NLGN1: variants seen among roughly 807,000 people sequenced by gnomAD.
NLGN1 encodes the protein neuroligin-1.
NLGN1 carries 12 observed loss-of-function variants against 65.5 expected under a neutral mutation model. That is an observed-to-expected ratio of 0.18 (90% CI 0.12 to 0.30). NLGN1 has a LOEUF of 0.30. Ranked by LOEUF, NLGN1 falls within the 10% of genes least tolerant of loss-of-function variation. The pLI is 1.00. For synonymous variants in NLGN1, 350 were observed against 359.5 expected, an observed-to-expected ratio of 0.97 and a Z score of 0.30; for missense variants, 750 against 1,007.1, an observed-to-expected ratio of 0.74 and a Z score of 3.46.
At chr3:174,193,260 G>A (rs77173805) in intron 4 of NLGN1, among the ~76,000 whole-genome samples, 9 of 152,066 alleles carry the variant, frequency 5.9e-5, no homozygotes, top group African/African-American at 1.4e-4. Flanking sequence ...AATGCCTTGC[G>A]ACTGCTTCCA....
intron 3 of NLGN1, among the ~76,000 whole-genome samples, chr3:173,619,356 T>C (rs1031118855): frequency 3.3e-5 from 5 of 152,188 alleles, no homozygotes; most frequent in Admixed American, 6.5e-5. Context: ...CTGTTATTCT[T>C]GTTTTAACGC....
At chr3:174,186,045 A>T (rs968340216) in intron 4 of NLGN1, among the ~76,000 whole-genome samples, 5 of 152,048 alleles carry the variant, frequency 3.3e-5, no homozygotes, top group Non-Finnish European at 7.4e-5. Flanking sequence ...GAGTGAAATG[A>T]GTGATAAGAC....
At chr3:173,857,468 A>G (rs1728219810) in intron 4 of NLGN1, among the ~76,000 whole-genome samples, 1 of 151,906 alleles carries the variant, frequency 6.6e-6, no homozygotes, top group Non-Finnish European at 1.5e-5. Flanking sequence ...ACGTTTTCCA[A>G]TTTATTTAAC....
chr3:173,618,837 AGTGAGAGATAAAGCTG>A lies in NLGN1; in HGVS notation c.493+13748_493+13763del, dbSNP rs1360104986. ...TCTAGGAGTGAGAGATAAAGCTGGC[AGTGAGAGATAAAGCTG>A]GCAGCGAGATCAACTGGATCTGTGC... On this transcript the variant is annotated intron_variant, in intron 3 of 6. Transcript: ENST00000457714. Among the ~76,000 whole-genome samples the A allele has an allele frequency of 4.6e-5, 7 of 152,200 alleles. No individual in the cohort carries two copies. In the East Asian group the frequency reaches 9.7e-4, roughly 21 times the overall value.
At position 173,933,755 on chromosome 3, in the gene NLGN1, A is replaced by T. The variant is rs556531133; in HGVS notation, c.646+125923A>T. Among the ~76,000 whole-genome samples the T allele has an allele frequency of 2.3e-4, 35 of 152,268 alleles. No individual in the cohort carries two copies. The South Asian group carries it at 7.3e-3, about 32-fold the overall frequency. On this transcript the variant is annotated intron_variant, in intron 4 of 6. Coordinates refer to ENST00000457714, the Ensembl canonical transcript of NLGN1. ...TTCCCCTAATTTAGACACAAATCCC[A>T]TTAGGCAGTGACTAGGTTATTTCTT...
Position 174,201,804 on chromosome 3 carries a change from T to C in NLGN1, c.647-73511T>C, listed in dbSNP as rs751194165. Among the ~76,000 whole-genome samples, 5 of 152,158 alleles carry C rather than the reference T, an allele frequency of 3.3e-5. No homozygotes were observed. The South Asian group carries it at 6.2e-4, about 19-fold the overall frequency. ...ATGGACAATATAATGAATCTAAGTA[T>C]CCATAATAGTGTTCCACAGCACTTA... On this transcript the variant is annotated intron_variant, in intron 4 of 6. Transcript: ENST00000457714.
intron 4 of NLGN1, among the ~76,000 whole-genome samples, chr3:173,864,237 ATATAAGTAACATAT>A (rs1156733771): frequency 6.6e-6 from 1 of 152,190 alleles, no homozygotes; most frequent in Non-Finnish European, 1.5e-5. Context: ...TAGAAATGAG[ATATAAGTAACATAT>A]TATAAATTTG....
chr3:173,950,873 G>A (rs1220803093), intron 4 of NLGN1, among the ~76,000 whole-genome samples: 1 of 151,358 alleles, frequency 6.6e-6, no homozygotes, highest in Admixed American at 6.6e-5. Context: ...TTATTTATTT[G>A]TTTATTTATT....
chr3:173,840,137 A>G (rs529113703), intron 4 of NLGN1, among the ~76,000 whole-genome samples: 2 of 152,170 alleles, frequency 1.3e-5, no homozygotes, highest in Admixed American at 6.5e-5. Context: ...TCCTGATTTC[A>G]TCTACCTCAG....
intron 3 of NLGN1, among the ~76,000 whole-genome samples, chr3:173,650,630 G>C (rs952464505): frequency 1.3e-5 from 2 of 152,058 alleles, no homozygotes; most frequent in African/African-American, 4.8e-5. Flanking sequence ...CAAAATTCTT[G>C]TTTCATTTGG....
rs550525560 is a variant in NLGN1 at position 174,197,671 on chromosome 3, T to C, written c.647-77644T>C. Among the ~76,000 whole-genome samples, 9 of 151,370 alleles carry C rather than the reference T, an allele frequency of 5.9e-5. No individual in the cohort carries two copies. The East Asian group carries it at 1.7e-3, about 29-fold the overall frequency. On this transcript the variant is annotated intron_variant, in intron 4 of 6. Coordinates refer to ENST00000457714, the Ensembl canonical transcript of NLGN1. ...TTCTAAATGCAACTGAGGCTGCTCT[T>C]AGAAAATAAAAATAGGTACGGGCAG...
At chr3:174,114,824 A>C (rs760827656) in intron 4 of NLGN1, among the ~76,000 whole-genome samples, 11 of 152,128 alleles carry the variant, frequency 7.2e-5, no homozygotes, top group Non-Finnish European at 1.6e-4. Flanking sequence ...TAACAATACT[A>C]GGAAGAGACT....
intron 2 of NLGN1, among the ~76,000 whole-genome samples, chr3:173,560,459 G>A (rs913155681): frequency 3.9e-5 from 6 of 152,024 alleles, no homozygotes; most frequent in Non-Finnish European, 8.8e-5. Context: ...AGAGAAAGGG[G>A]AGGACTAATT....
At chr3:173,759,525 A>C (rs1269594371) in intron 3 of NLGN1, among the ~76,000 whole-genome samples, 1 of 151,924 alleles carries the variant, frequency 6.6e-6, no homozygotes, top group Non-Finnish European at 1.5e-5. Flanking sequence ...AAAATCTGTG[A>C]CAGCTATTTC....
At chr3:174,122,189 T>C (rs1717920443) in intron 4 of NLGN1, among the ~76,000 whole-genome samples, 1 of 152,166 alleles carries the variant, frequency 6.6e-6, no homozygotes, top group South Asian at 2.1e-4. Flanking sequence ...ATATTGCCCA[T>C]TTTCGATCTC....
intron 4 of NLGN1, among the ~76,000 whole-genome samples, chr3:174,183,866 G>A (rs1233690549): frequency 6.6e-6 from 1 of 152,160 alleles, no homozygotes; most frequent in Admixed American, 6.6e-5. Flanking sequence ...GAATGGAAAT[G>A]AAAGAGGGTC....
At chr3:174,238,603 G>A (rs559281127) in intron 4 of NLGN1, among the ~76,000 whole-genome samples, 2 of 152,074 alleles carry the variant, frequency 1.3e-5, no homozygotes, top group East Asian at 1.9e-4. Context: ...CCTTTGATCC[G>A]CCCACCTTGG....
intron 1 of NLGN1, among the ~76,000 whole-genome samples, chr3:173,428,902 CTTTTG>C (rs2148731006): frequency 6.6e-6 from 1 of 151,742 alleles, no homozygotes; most frequent in Admixed American, 6.6e-5. Flanking sequence ...TATGTTGTTT[CTTTTG>C]TTTTGCTGCT....
intron 3 of NLGN1, among the ~76,000 whole-genome samples, chr3:173,795,916 C>G (rs1260139562): frequency 6.6e-6 from 1 of 152,024 alleles, no homozygotes; most frequent in South Asian, 2.1e-4. Context: ...ACTGCTGGGT[C>G]AAGAGGACAG....
Sources: allele counts gnomAD v4.1 joint callset (sites outside exome capture counted in the v4.1 genomes callset), GRCh38; gene constraint gnomAD v4.1.1; transcripts MANE v1.5; gene names NCBI Gene and HGNC (gene_info 2026-07-23, HGNC 2026-07-21).